The following METTL25 variants were observed in gnomAD, a reference collection of about 807,000 sequenced individuals.
METTL25 encodes the protein probable methyltransferase-like protein 25.
A neutral mutation model predicts 71.6 loss-of-function variants in METTL25; 64 were observed. The observed-to-expected ratio is 0.89, with a 90% CI of 0.73 to 1.10. The LOEUF (loss-of-function observed/expected upper bound fraction) is 1.10. Ranked by LOEUF, METTL25 falls within the 50% of genes least tolerant of loss-of-function variation. The pLI, the probability that METTL25 is intolerant of heterozygous loss-of-function variation, is 0.00. For synonymous variants in METTL25, 287 were observed against 250.3 expected (o/e 1.15, Z -1.38); for missense variants, 807 against 707.0 (o/e 1.14, Z -1.60).
chr12:82,419,997 G>A (rs983329277), intron 5 of METTL25, among the ~76,000 whole-genome samples: 3 of 152,084 alleles, frequency 2.0e-5, no homozygotes, highest in African/African-American at 7.2e-5. Flanking sequence ...AAGAAACTGT[G>A]GTACACACAT....
intron 8 of METTL25, among the ~76,000 whole-genome samples, chr12:82,455,682 G>T (rs979524804): frequency 6.6e-6 from 1 of 152,042 alleles, no homozygotes; most frequent in East Asian, 1.9e-4. Context: ...GAAACAATTA[G>T]TAGACTGATC....
intron 1 of METTL25, among the ~76,000 whole-genome samples, chr12:82,383,162 T>G (rs1170153477): frequency 6.6e-6 from 1 of 151,994 alleles, no homozygotes; most frequent in Non-Finnish European, 1.5e-5. Context: ...ATTCTGAGAG[T>G]CAGGTCTCCC....
Position 82,358,540 on chromosome 12 carries a change from ACC to A in METTL25, c.-25_-24del. ...GGCGCCTCACGGCCATGTTTGCGCC[ACC>A]TACAGCCTCGGAGGGTGAGCGTCAT... On this transcript the variant is annotated 5_prime_UTR_variant, in exon 1 of 12. An upstream open reading frame in the 5' UTR gains an earlier in-frame stop. Coordinates refer to ENST00000248306, the MANE Select transcript of METTL25 (RefSeq NM_032230.3). The A allele has an allele frequency of 2.4e-5, 39 of 1,604,290 alleles. No homozygotes were observed. The highest frequency in any genetic ancestry group is 2.9e-5 in the Non-Finnish European group (34 of 1,176,990).
chr12:82,460,009 A>G (rs1388500586), intron 9 of METTL25: 1 of 152,162 alleles, frequency 6.6e-6, no homozygotes, highest in Non-Finnish European at 1.5e-5. Flanking sequence ...CTTCACCTTC[A>G]CATCCACTTA....
chr12:82,383,111 T>C (rs1342001878), intron 1 of METTL25, among the ~76,000 whole-genome samples: 1 of 152,114 alleles, frequency 6.6e-6, no homozygotes, highest in Non-Finnish European at 1.5e-5. Flanking sequence ...AGGATATCAC[T>C]GTATATTGAT....
intron 1 of METTL25, among the ~76,000 whole-genome samples, chr12:82,361,978 T>A (rs1881990940): frequency 1.3e-5 from 2 of 152,002 alleles, no homozygotes; most frequent in African/African-American, 4.8e-5. Flanking sequence ...CTCTCAGTCT[T>A]CTGCTGATAT....
chr12:82,434,551 T>C, intron 6 of METTL25, 144 bp from the exon 7 acceptor site: 4 of 632,762 alleles, frequency 6.3e-6, no homozygotes, highest in Non-Finnish European at 1.1e-5. Flanking sequence ...TTTAATGATA[T>C]TAACACTGTT....
chr12:82,442,576 G>A (rs189131401), intron 8 of METTL25, among the ~76,000 whole-genome samples: 7 of 152,178 alleles, frequency 4.6e-5, no homozygotes, highest in Admixed American at 4.6e-4. Flanking sequence ...AGGAAAAGAG[G>A]GTGGAGTAAG....
intron 9 of METTL25, among the ~76,000 whole-genome samples, chr12:82,473,244 G>A (rs951693957): frequency 1.3e-5 from 2 of 152,132 alleles, no homozygotes; most frequent in Non-Finnish European, 2.9e-5. Flanking sequence ...TGGCACTGGG[G>A]TTATGGGGAG....
At chr12:82,409,518 C>T (rs139354751) in intron 5 of METTL25, among the ~76,000 whole-genome samples, 1 of 151,418 alleles carries the variant, frequency 6.6e-6, no homozygotes, top group Non-Finnish European at 1.5e-5. Context: ...GTTACCAATT[C>T]AGATCCACAC....
rs141675235 is a variant in METTL25 at position 82,445,376 on chromosome 12, A to T, written c.1478+6585A>T. ...AGTCAAGAGAAATGTAAACTAATGTAAGTATGAAATATTAAATTATAACCA... is the reference window on the plus strand; with the variant it reads ...AGTCAAGAGAAATGTAAACTAATGTTAGTATGAAATATTAAATTATAACCA... On this transcript the variant is annotated intron_variant, in intron 8 of 11. Coordinates refer to ENST00000248306, the MANE Select transcript of METTL25 (RefSeq NM_032230.3). 2.0e-4 allele frequency among the ~76,000 whole-genome samples: 31 copies of T among 152,258 alleles called. No individual in the cohort carries two copies. In the East Asian group the frequency reaches 5.6e-3, roughly 27 times the overall value.
At chr12:82,427,708 G>A (rs947936206) in intron 5 of METTL25, among the ~76,000 whole-genome samples, 1 of 151,910 alleles carries the variant, frequency 6.6e-6, no homozygotes, top group African/African-American at 2.4e-5. Flanking sequence ...TTAGAACAGA[G>A]ATGTTTTATG....
At chr12:82,414,403 G>C (rs1887798763) in intron 5 of METTL25, among the ~76,000 whole-genome samples, 1 of 152,240 alleles carries the variant, frequency 6.6e-6, no homozygotes, top group South Asian at 2.1e-4. Context: ...GCATGTTCTT[G>C]CTGCCTATAA....
At chr12:82,387,663 A>G (rs998674305) in intron 2 of METTL25, among the ~76,000 whole-genome samples, 2 of 151,824 alleles carry the variant, frequency 1.3e-5, no homozygotes, top group Admixed American at 6.6e-5. Context: ...TAGATTCACC[A>G]TGTGTTCACA....
intron 6 of METTL25, 140 bp from the exon 7 acceptor site, chr12:82,434,555 C>A: frequency 3.1e-6 from 2 of 644,786 alleles, no homozygotes; most frequent in South Asian, 2.0e-5. Context: ...ATGATATTAA[C>A]ACTGTTAAGT....
At chr12:82,371,524 T>G (rs1171430032) in intron 1 of METTL25, among the ~76,000 whole-genome samples, 1 of 152,208 alleles carries the variant, frequency 6.6e-6, no homozygotes, top group Non-Finnish European at 1.5e-5. Context: ...CCACCAAGGT[T>G]TGTCTGTCTG....
At chr12:82,398,757 C>T (rs1202645486) in intron 3 of METTL25, 38 bp from the exon 4 acceptor site, 34 of 1,372,296 alleles carry the variant, frequency 2.5e-5, no homozygotes, top group Non-Finnish European at 3.1e-5. Flanking sequence ...TACCATTTGC[C>T]TAAAATTCTT....
At chr12:82,369,707 A>C (rs1022480829) in intron 1 of METTL25, 3 of 242,162 alleles carry the variant, frequency 1.2e-5, no homozygotes, top group Admixed American at 5.5e-5. Context: ...GCCAGCTTTT[A>C]TTCCCTTATT....
chr12:82,432,863 TAAAAAAA>T (rs11358515), intron 6 of METTL25, among the ~76,000 whole-genome samples: 2 of 130,266 alleles, frequency 1.5e-5, no homozygotes, highest in African/African-American at 5.7e-5. Context: ...TGGTCTTCTT[TAAAAAAA>T]AAAAAAAAAA....
Sources: allele counts gnomAD v4.1 joint callset (sites outside exome capture counted in the v4.1 genomes callset), GRCh38; gene constraint gnomAD v4.1.1; transcripts MANE v1.5; gene names NCBI Gene and HGNC (gene_info 2026-07-23, HGNC 2026-07-21).